Variants in REV3L observed in about 807,000 individuals in gnomAD.
REV3L encodes DNA polymerase zeta catalytic subunit.
REV3L carries 69 observed loss-of-function variants against 299.4 expected under a neutral mutation model. The ratio of observed to expected loss-of-function variants is 0.23; its 90% CI spans 0.19 to 0.28. The LOEUF (loss-of-function observed/expected upper bound fraction) is 0.28, where lower values mean the gene tolerates loss of function less well. Among genes scored for constraint, REV3L ranks in the 10% least tolerant of loss-of-function variants. REV3L has a pLI of 1.00. For missense variants in REV3L, 3,128 were observed against 3,693.8 expected, an observed-to-expected ratio of 0.85 and a Z score of 3.97; for synonymous variants, 1,238 against 1,271.4, an observed-to-expected ratio of 0.97 and a Z score of 0.56.
Position 111,333,315 on chromosome 6 carries a change from G to A in REV3L, c.7733C>T (p.Pro2578Leu). 1.2e-6 allele frequency: 2 copies of A among 1,614,020 alleles called. No individual in the cohort carries two copies. The highest frequency in any genetic ancestry group is 1.7e-6 in the Non-Finnish European group (2 of 1,180,004). Residue 2578 changes from proline (P) to leucine (L), a missense_variant, in exon 23 of 32, where the codon CCT becomes CTT. Physicochemically the swap from Pro to Leu is moderately conservative, Grantham distance 98 (BLOSUM62 -3). Around this residue, in one of 9 missense-constraint regions of REV3L, gnomAD observed 149 missense variants for 286.4 expected, o/e 0.52. Coordinates refer to ENST00000368802, the MANE Select transcript of REV3L (RefSeq NM_001372078.1). ...TCTTTGCTGAACACTAGGTGTCACAGGAATATAGTTCATTGGTTTAGCAAT... is the reference window on the plus strand; with the variant it reads ...TCTTTGCTGAACACTAGGTGTCACAAGAATATAGTTCATTGGTTTAGCAAT... ...LRIAKPMNYIPVTPSVQQRSQ... is the reference protein window; with the variant it reads ...LRIAKPMNYILVTPSVQQRSQ...
chr6:111,327,381 C>T (rs890656294), intron 25 of REV3L, among the ~76,000 whole-genome samples: 9 of 151,890 alleles, frequency 5.9e-5, no homozygotes, highest in Non-Finnish European at 1.0e-4. Flanking sequence ...AGGGCGAAAC[C>T]CCATCTCTAC....
In REV3L at chr6:111,374,515, A is replaced by C. The variant is rs1582744225; in HGVS notation, c.3840T>G (p.Ala1280=). 1.2e-6 allele frequency: 2 copies of C among 1,614,062 alleles called. No individual in the cohort carries two copies. Among genetic ancestry groups the C allele is most frequent in the Non-Finnish European group, 1.7e-6 (2 of 1,179,960 alleles). ...GTGCATTAATTCCAGTGGGTAGGGA[A>C]GCAGAAAGGGGATGATCTACAGCAG... The part of the protein sequence containing the change: ...MGSAVDHPLS[A]SLPTGINAQQ... The change falls in exon 13 of 32, where the codon GCT becomes GCG. Residue 1280 remains alanine (A), a synonymous_variant. Coordinates refer to ENST00000368802, the MANE Select transcript of REV3L (RefSeq NM_001372078.1).
chr6:111,340,355 G>C (rs1157619568), intron 21 of REV3L, among the ~76,000 whole-genome samples: 1 of 152,044 alleles, frequency 6.6e-6, no homozygotes, highest in Non-Finnish European at 1.5e-5. Context: ...TTAGAGATTA[G>C]GAAAAGTTTT....
At chr6:111,351,889 C>G (rs1777601572) in intron 18 of REV3L, 98 bp from the exon 19 acceptor site, 1 of 742,836 alleles carries the variant, frequency 1.3e-6, no homozygotes, top group African/African-American at 1.8e-5. Context: ...AAAACAAAAA[C>G]CTATGTTCTC....
At chr6:111,464,937 G>A (rs1317844779) in intron 1 of REV3L, among the ~76,000 whole-genome samples, 1 of 152,004 alleles carries the variant, frequency 6.6e-6, no homozygotes, top group Non-Finnish European at 1.5e-5. Flanking sequence ...GGGAGACGGA[G>A]GCTGCAGTGA....
chr6:111,482,554 G>A (rs879327554), intron 1 of REV3L, among the ~76,000 whole-genome samples, 196 bp downstream of exon 1: 32 of 151,816 alleles, frequency 2.1e-4, no homozygotes, highest in Non-Finnish European at 4.0e-4. Context: ...GCCGCGCAGC[G>A]CTCGCGCGGA....
chr6:111,452,661 A>C (rs1378077441), intron 1 of REV3L, among the ~76,000 whole-genome samples: 1 of 152,186 alleles, frequency 6.6e-6, no homozygotes, highest in Non-Finnish European at 1.5e-5. Flanking sequence ...GGTTTTACTA[A>C]AAGGAGCACA....
Position 111,349,274 on chromosome 6 carries a change from C to T in REV3L, c.7363G>A (p.Glu2455Lys). Residue 2455 changes from glutamate (E) to lysine (K), a missense_variant, in exon 20 of 32, where the codon GAG (glutamate) becomes AAG (lysine). This residue lies in a region of REV3L where 50 missense variants were observed against 48.2 expected (regional missense o/e 1.04). Transcript: ENST00000368802. The stretch of plus-strand genomic sequence containing the variant: ...GTAATTCGGCCAACAATATTTATCT[C>T]ACTCATTGTATATGATCCATACTCA... The part of the protein sequence containing the change: ...RDEYGSYTMS[E>K]INIVGRITLN... The T allele has an allele frequency of 6.2e-7, 1 of 1,608,564 alleles. No individual in the cohort carries two copies. Among genetic ancestry groups the T allele is most frequent in the Non-Finnish European group, 8.5e-7 (1 of 1,176,332 alleles).
chr6:111,336,721 A>G (rs1000293871), intron 21 of REV3L, among the ~76,000 whole-genome samples: 1 of 152,188 alleles, frequency 6.6e-6, no homozygotes, highest in African/African-American at 2.4e-5. Flanking sequence ...AAAAAACTAT[A>G]TATCAATGTT....
Position 111,329,521 on chromosome 6 carries a change from G to A in REV3L, c.8241+11C>T, listed in dbSNP as rs777484105. 1 of 1,612,688 alleles carries A rather than the reference G, an allele frequency of 6.2e-7. No individual in the cohort carries two copies. The highest frequency in any genetic ancestry group is 2.2e-5 in the East Asian group (1 of 44,870). On this transcript the variant is annotated intron_variant, in intron 25 of 31. Transcript: ENST00000368802. ...TCTCTTTTGAAAAAACTACAGATTT[G>A]TATCACTTACCTCAATGCATGGCAT... is the stretch of plus-strand genomic sequence containing the variant.
intron 31 of REV3L, among the ~76,000 whole-genome samples, chr6:111,302,678 G>A (rs1771712445): frequency 6.6e-6 from 1 of 152,192 alleles, no homozygotes; most frequent in Non-Finnish European, 1.5e-5. Flanking sequence ...GCAGAGGCAG[G>A]TGGATCACCT....
At position 111,348,038 on chromosome 6, in the gene REV3L, G is replaced by A. The variant is rs1347243989; in HGVS notation, c.7419+1180C>T. ...GCTACTCTCAAACTCCTGGGCTCAA[G>A]TGATCCACCCTCCTTGGCCTCCCCA... is the stretch of plus-strand genomic sequence containing the variant. On this transcript the variant is annotated intron_variant, in intron 20 of 31. Transcript: ENST00000368802. Among the ~76,000 whole-genome samples, 4 of 152,200 alleles carry A rather than the reference G, an allele frequency of 2.6e-5. No homozygotes were observed. The East Asian group carries it at 7.7e-4, about 29-fold the overall frequency.
intron 31 of REV3L, among the ~76,000 whole-genome samples, 200 bp from the exon 32 acceptor site, chr6:111,300,356 A>AAGAT (rs908812833): frequency 5.9e-5 from 9 of 152,300 alleles, no homozygotes; most frequent in African/African-American, 9.6e-5. Context: ...TTATTTTGTA[A>AAGAT]AGATAGAGTA....
rs767631975 is a variant in REV3L, at chr6:111,380,055, C to G, written c.1381G>C (p.Glu461Gln). 6.2e-7 allele frequency: 1 copy of G among 1,614,042 alleles called. No individual in the cohort carries two copies. The highest frequency in any genetic ancestry group is 1.1e-5 in the South Asian group (1 of 91,074). ...ATCACCAAACTAAGCTCCATTTCCT[C>G]TTTTTCAATCTGTGGTTCATTTTCT... ...DEENEPQIEKEEMELSLVMSQ... is the reference protein window; with the variant it reads ...DEENEPQIEKQEMELSLVMSQ... Residue 461 changes from glutamate (E) to glutamine (Q), a missense_variant, in exon 11 of 32, where the codon GAG becomes CAG. Glu to Gln is a conservative substitution (Grantham distance 29). Coordinates refer to ENST00000368802, the MANE Select transcript of REV3L (RefSeq NM_001372078.1).
At chr6:111,417,130 C>A (rs1784857411) in intron 1 of REV3L, among the ~76,000 whole-genome samples, 1 of 151,920 alleles carries the variant, frequency 6.6e-6, no homozygotes, top group Admixed American at 6.6e-5. Flanking sequence ...GACAAAAGGC[C>A]AACATGCACA....
chr6:111,431,868 G>T (rs556177931), intron 1 of REV3L: 61 of 438,544 alleles, frequency 1.4e-4, no homozygotes, highest in African/African-American at 1.2e-3. Context: ...TTAAATATTT[G>T]TAAATTGTGT....
At chr6:111,366,479 T>G (rs1779224348) in intron 14 of REV3L, among the ~76,000 whole-genome samples, 1 of 151,308 alleles carries the variant, frequency 6.6e-6, no homozygotes, top group African/African-American at 2.4e-5. Context: ...AATGAGAAAA[T>G]CAAGTGGGAA....
At chr6:111,450,696 AG>A (rs1467276817) in intron 1 of REV3L, among the ~76,000 whole-genome samples, 3 of 152,142 alleles carry the variant, frequency 2.0e-5, no homozygotes, top group Non-Finnish European at 2.9e-5. Flanking sequence ...AGAGGAAGAA[AG>A]TAATGAGAAA....
chr6:111,432,203 T>C (rs1369168629), intron 1 of REV3L, among the ~76,000 whole-genome samples: 1 of 152,190 alleles, frequency 6.6e-6, no homozygotes. Context: ...GTAAGTTTAC[T>C]TGGCAACAGT....
Sources: gnomAD v4.1 joint callset for allele counts (sites outside exome capture counted in the v4.1 genomes callset) on GRCh38, gnomAD v4.1.1 for gene constraint, gnomAD v4.1.1 regional missense constraint, MANE v1.5 for transcripts, NCBI Gene and HGNC (gene_info 2026-07-23, HGNC 2026-07-21) for gene names.